Variants in ANKMY1 observed in about 807,000 individuals in gnomAD.
ANKMY1 encodes the protein ankyrin repeat and MYND domain containing 1.
ANKMY1 carries 98 observed loss-of-function variants against 102.0 expected under a neutral mutation model. That is an observed-to-expected ratio of 0.96 (90% CI 0.82 to 1.14). The LOEUF is 1.14. ANKMY1 is among the 50% of genes most tolerant of loss of function. ANKMY1 has a pLI of 0.00. For synonymous variants in ANKMY1, 582 were observed against 559.9 expected, an observed-to-expected ratio of 1.04 and a Z score of -0.56; for missense variants, 1,330 against 1,347.6, an observed-to-expected ratio of 0.99 and a Z score of 0.20.
At chr2:240,540,758 G>C (rs996775142) in intron 4 of ANKMY1, among the ~76,000 whole-genome samples, 2 of 152,204 alleles carry the variant, frequency 1.3e-5, no homozygotes, top group Non-Finnish European at 2.9e-5. Context: ...GCAGGACCTA[G>C]ACTGAACCCG....
At chr2:240,485,200 C>A (rs2075902479) in intron 15 of ANKMY1, among the ~76,000 whole-genome samples, 1 of 152,044 alleles carries the variant, frequency 6.6e-6, no homozygotes, top group African/African-American at 2.4e-5. Context: ...TGGTGGCATG[C>A]ACCTATAGTC....
At chr2:240,514,595 A>G (rs958825900) in intron 9 of ANKMY1, among the ~76,000 whole-genome samples, 1 of 152,216 alleles carries the variant, frequency 6.6e-6, no homozygotes, top group Non-Finnish European at 1.5e-5. Context: ...TTTCAGTAAC[A>G]TGAGGGCTCA....
chr2:240,560,433 G>A (rs550905081), upstream of ANKMY1: 6 of 401,764 alleles, frequency 1.5e-5, no homozygotes, highest in African/African-American at 2.1e-5. Flanking sequence ...GGGACGCAGA[G>A]CGGTCCAAGG....
intron 3 of ANKMY1, chr2:240,554,608 G>A (rs538897948): frequency 2.2e-5 from 10 of 447,614 alleles, no homozygotes; most frequent in East Asian, 6.8e-5. Context: ...ATTTTAAAAC[G>A]TCTGCCCAGA....
the ANKMY1 span, among the ~76,000 whole-genome samples, chr2:240,470,488 C>A: frequency 5.9e-5 from 9 of 152,176 alleles, no homozygotes; most frequent in Non-Finnish European, 2.9e-5. Context: ...TGAGACCACC[C>A]CACAAAGCAA....
chr2:240,470,091 T>C, the ANKMY1 span, among the ~76,000 whole-genome samples: 1 of 152,214 alleles, frequency 6.6e-6, no homozygotes, highest in South Asian at 2.1e-4. Flanking sequence ...CACACACTGC[T>C]CCTGTCCAGG....
At chr2:240,539,723 C>T (rs565294718) in intron 4 of ANKMY1, among the ~76,000 whole-genome samples, 1 of 152,200 alleles carries the variant, frequency 6.6e-6, no homozygotes, top group African/African-American at 2.4e-5. Flanking sequence ...ATGCATGATG[C>T]TAAGTGTCAG....
upstream of ANKMY1, among the ~76,000 whole-genome samples, chr2:240,558,797 C>T (rs1214720402): frequency 2.6e-5 from 4 of 152,176 alleles, no homozygotes; most frequent in Non-Finnish European, 4.4e-5. Flanking sequence ...GGGGCTCTGC[C>T]TCCACACGCC....
Position 240,520,246 on chromosome 2 carries a change from G to A in ANKMY1, c.2004+116C>T. The stretch of plus-strand genomic sequence containing the variant: ...CGCCGTCATCACTCACAGCCCAGGT[G>A]GTCGCCTGCAAGAGCCCACCCCTCT... On this transcript the variant is annotated intron_variant, in intron 9 of 17. Coordinates refer to ENST00000401804, the MANE Select transcript of ANKMY1 (RefSeq NM_001282771.3). The surrounding 1 kb of genome is among the most constrained non-coding windows in gnomAD (Gnocchi z 4.8). 8 of 1,435,136 alleles carry A rather than the reference G, an allele frequency of 5.6e-6. No homozygotes were observed. Among genetic ancestry groups the A allele is most frequent in the East Asian group, 2.5e-5 (1 of 39,800 alleles). 88.9% of individuals were successfully genotyped at this position (1,435,136 alleles called of 1,614,324 possible).
intron 3 of ANKMY1, 158 bp downstream of exon 3, chr2:240,554,708 A>G: frequency 1.2e-6 from 1 of 840,996 alleles, no homozygotes; most frequent in East Asian, 2.5e-5. Context: ...GTTGGGAAAG[A>G]TGCTTTTCTC....
chr2:240,526,867 G>A, intron 5 of ANKMY1: 1 of 1,157,464 alleles, frequency 8.6e-7, no homozygotes, highest in Non-Finnish European at 1.1e-6. Context: ...TGTCTGAGTA[G>A]ACAACATGCA....
At chr2:240,500,232 G>A (rs2077948348) in intron 14 of ANKMY1, 109 bp from the exon 15 acceptor site, 2 of 1,340,642 alleles carry the variant, frequency 1.5e-6, no homozygotes, top group Non-Finnish European at 1.0e-6. Flanking sequence ...TATAACTGAG[G>A]ACGAACCCAG....
intron 5 of ANKMY1, chr2:240,527,012 G>A (rs1016970371): frequency 1.0e-6 from 1 of 1,000,830 alleles, no homozygotes; most frequent in Non-Finnish European, 1.2e-6. Context: ...CCCAGTTGAT[G>A]TCTGCATGAT....
chr2:240,505,984 C>T (rs1286554472), intron 13 of ANKMY1, among the ~76,000 whole-genome samples: 1 of 152,126 alleles, frequency 6.6e-6, no homozygotes, highest in Non-Finnish European at 1.5e-5. Flanking sequence ...AAGCAGACAG[C>T]ATGGTTAGGG....
chr2:240,553,265 C>T (rs1575375756), intron 3 of ANKMY1: 1 of 597,434 alleles, frequency 1.7e-6, no homozygotes, highest in East Asian at 2.9e-5. Flanking sequence ...TAGCCAGGCT[C>T]CCTCTCTGTC....
chr2:240,511,527 G>A (rs1354965599), intron 11 of ANKMY1, among the ~76,000 whole-genome samples: 1 of 152,248 alleles, frequency 6.6e-6, no homozygotes, highest in East Asian at 1.9e-4. Context: ...CTGAGGTCCT[G>A]AGTCAGAGAC....
chr2:240,527,867 ATGGAT>A (rs2084235563), intron 5 of ANKMY1: 1 of 136,568 alleles, frequency 7.3e-6, no homozygotes, highest in African/African-American at 2.7e-5. Context: ...GGGTGGGTGG[ATGGAT>A]TGATGAATGA....
chr2:240,478,030 T>C (rs2074971288), downstream of ANKMY1, among the ~76,000 whole-genome samples: 1 of 152,170 alleles, frequency 6.6e-6, no homozygotes, highest in African/African-American at 2.4e-5. Flanking sequence ...GGGGGCAGAC[T>C]TCCCCATCTG....
At chr2:240,478,933 G>A (rs1268338665), downstream of ANKMY1, among the ~76,000 whole-genome samples, 2 of 152,096 alleles carry the variant, frequency 1.3e-5, no homozygotes, top group Non-Finnish European at 1.5e-5. Context: ...TCCTTCTCCA[G>A]GTCCGCCCCT....
Sources: allele counts gnomAD v4.1 joint callset (sites outside exome capture counted in the v4.1 genomes callset), GRCh38; gene constraint gnomAD v4.1.1; non-coding constraint Gnocchi (gnomAD v3.1); transcripts MANE v1.5; gene names NCBI Gene and HGNC (gene_info 2026-07-23, HGNC 2026-07-21).